The following EPHA6 variants were observed in gnomAD, a reference collection of about 807,000 sequenced individuals.
The protein encoded by EPHA6 is ephrin type-A receptor 6.
In EPHA6, 50 loss-of-function variants were observed where a neutral mutation model predicts 112.0. The ratio of observed to expected loss-of-function variants is 0.45; its 90% CI spans 0.36 to 0.56. EPHA6 has a LOEUF of 0.56. Among genes scored for constraint, EPHA6 ranks in the 20% least tolerant of loss-of-function variants. The pLI is 0.00. For missense variants in EPHA6, 1,280 were observed against 1,417.4 expected (o/e 0.90, Z 1.56); for synonymous variants, 529 against 490.7 (o/e 1.08, Z -1.03).
chr3:96,863,811 T>C (rs2036146129), intron 1 of EPHA6, among the ~76,000 whole-genome samples: 1 of 152,036 alleles, frequency 6.6e-6, no homozygotes, highest in Admixed American at 6.6e-5. Context: ...AGGAAATAGC[T>C]GTTGATAGAT....
chr3:97,370,117 A>G (rs1376222581), intron 5 of EPHA6, among the ~76,000 whole-genome samples: 4 of 152,186 alleles, frequency 2.6e-5, no homozygotes, highest in Admixed American at 6.6e-5. Context: ...TAGCAAAATC[A>G]ACTCAAATTG....
intron 14 of EPHA6, among the ~76,000 whole-genome samples, chr3:97,692,168 T>C (rs1389084249): frequency 6.6e-6 from 1 of 152,198 alleles, no homozygotes; most frequent in African/African-American, 2.4e-5. Flanking sequence ...TTTTGTTGTA[T>C]AATTTGTTTT....
chr3:97,390,030 G>A (rs2086308120), intron 5 of EPHA6, among the ~76,000 whole-genome samples: 2 of 152,062 alleles, frequency 1.3e-5, no homozygotes, highest in African/African-American at 4.8e-5. Flanking sequence ...GGCTCAGCCA[G>A]GTGTTACTTT....
chr3:96,990,413 G>C (rs1321436600), intron 3 of EPHA6, among the ~76,000 whole-genome samples: 1 of 152,106 alleles, frequency 6.6e-6, no homozygotes, highest in Non-Finnish European at 1.5e-5. Context: ...GAGGGAGTCA[G>C]TACAGAACAA....
Position 97,389,504 on chromosome 3 carries a change from T to A in EPHA6, c.1607-15646T>A, listed in dbSNP as rs138091524. ...ACATTATATTTATTTTCATACCTACTATATAATTTATCATAATTGTAAGAA... is the reference window on the plus strand; with the variant it reads ...ACATTATATTTATTTTCATACCTACAATATAATTTATCATAATTGTAAGAA... On this transcript the variant is annotated intron_variant, in intron 5 of 17. Transcript: ENST00000389672. Among the ~76,000 whole-genome samples, 74 of 152,312 alleles carry A rather than the reference T, an allele frequency of 4.9e-4. No homozygotes were observed. In the East Asian group the frequency reaches 0.014, roughly 29 times the overall value.
intron 2 of EPHA6, among the ~76,000 whole-genome samples, chr3:96,935,761 A>ATATG (rs1553734774): frequency 4.1e-5 from 6 of 147,866 alleles, no homozygotes; most frequent in African/African-American, 1.5e-4. Context: ...CATTATATAT[A>ATATG]TGTGTGTGTG....
chr3:96,842,368 C>T (rs977448107), intron 1 of EPHA6, among the ~76,000 whole-genome samples: 1 of 151,980 alleles, frequency 6.6e-6, no homozygotes, highest in Admixed American at 6.6e-5. Flanking sequence ...CTTTTAAATT[C>T]TCTAATTGGT....
chr3:96,839,521 G>C lies in EPHA6; in HGVS notation c.385+24513G>C, dbSNP rs574198655. 1.1e-3 allele frequency among the ~76,000 whole-genome samples: 174 copies of C among 152,112 alleles called. 1 individual carries two copies. Among genetic ancestry groups the C allele is most frequent in the African/African-American group, 4.0e-3 (166 of 41,506 alleles). On this transcript the variant is annotated intron_variant, in intron 1 of 17. Transcript: ENST00000389672. ...GAGGACCGCTGCCCTAAAGACCTAA[G>C]GGTTTTGGAAGACTTTAGTTGGGAA... is the stretch of plus-strand genomic sequence containing the variant.
intron 2 of EPHA6, among the ~76,000 whole-genome samples, chr3:96,950,225 A>C (rs147661946): frequency 4.6e-4 from 70 of 152,142 alleles, no homozygotes; most frequent in Non-Finnish European, 7.5e-4. Context: ...GTAATTTCTC[A>C]TGTGCTTCTG....
At chr3:97,464,847 G>A (rs2091005005) in intron 7 of EPHA6, among the ~76,000 whole-genome samples, 1 of 152,076 alleles carries the variant, frequency 6.6e-6, no homozygotes, top group Admixed American at 6.6e-5. Flanking sequence ...GTGAAGTTTT[G>A]ATCAATTGCC....
chr3:97,718,847 T>TTACA (rs1408754106), intron 14 of EPHA6, among the ~76,000 whole-genome samples: 1 of 152,158 alleles, frequency 6.6e-6, no homozygotes, highest in Non-Finnish European at 1.5e-5. Flanking sequence ...TATGACAGCA[T>TTACA]TAATATACAT....
chr3:97,373,666 T>C (rs1023842101), intron 5 of EPHA6, among the ~76,000 whole-genome samples: 1 of 152,124 alleles, frequency 6.6e-6, no homozygotes, highest in African/African-American at 2.4e-5. Context: ...TTTGAGATAT[T>C]ACAGTGTGAT....
At chr3:96,986,401 T>G (rs997565099) in intron 2 of EPHA6, among the ~76,000 whole-genome samples, 6 of 152,308 alleles carry the variant, frequency 3.9e-5, no homozygotes, top group African/African-American at 1.4e-4. Context: ...CTGTCTGTTC[T>G]TATTACCTAA....
chr3:97,245,842 G>A (rs577941169), intron 5 of EPHA6, among the ~76,000 whole-genome samples: 58 of 151,732 alleles, frequency 3.8e-4, no homozygotes, highest in African/African-American at 1.3e-3. Flanking sequence ...CATGATAAAT[G>A]TCATGCACAC....
chr3:97,235,611 T>C (rs973882674), intron 4 of EPHA6, among the ~76,000 whole-genome samples: 1 of 152,116 alleles, frequency 6.6e-6, no homozygotes, highest in African/African-American at 2.4e-5. Flanking sequence ...CTAAATATCT[T>C]CCAAATTATT....
chr3:97,407,796 T>C (rs2087452763), intron 6 of EPHA6, among the ~76,000 whole-genome samples: 1 of 152,048 alleles, frequency 6.6e-6, no homozygotes, highest in Non-Finnish European at 1.5e-5. Flanking sequence ...CCCATTCTTA[T>C]AATGAGGGAA....
At chr3:97,340,157 T>C (rs2083236387) in intron 5 of EPHA6, among the ~76,000 whole-genome samples, 1 of 152,326 alleles carries the variant, frequency 6.6e-6, no homozygotes, top group East Asian at 1.9e-4. Flanking sequence ...GCATGAAGGA[T>C]TCCCGCTAAA....
At chr3:96,967,259 T>C (rs897399960) in intron 2 of EPHA6, among the ~76,000 whole-genome samples, 1 of 149,896 alleles carries the variant, frequency 6.7e-6, no homozygotes, top group Non-Finnish European at 1.5e-5. Flanking sequence ...TTTTAGATGA[T>C]ATATATTATA....
At chr3:96,954,448 G>A (rs2041675323) in intron 2 of EPHA6, among the ~76,000 whole-genome samples, 1 of 152,134 alleles carries the variant, frequency 6.6e-6, no homozygotes, top group African/African-American at 2.4e-5. Flanking sequence ...TATCATATAA[G>A]CTGTGCTTGC....
Sources: allele counts gnomAD v4.1 joint callset (sites outside exome capture counted in the v4.1 genomes callset), GRCh38; gene constraint gnomAD v4.1.1; transcripts MANE v1.5; gene names NCBI Gene and HGNC (gene_info 2026-07-23, HGNC 2026-07-21).